Variants in PNMA6E observed in about 807,000 individuals in gnomAD.
PNMA6E encodes the protein PNMA family member 6E.
For missense variants in PNMA6E, 78 were observed against 50.8 expected (o/e 1.53, Z -1.63); for synonymous variants, 43 against 17.1 (o/e 2.52, Z -3.74).
Position 153,396,704 on chromosome X carries a change from G to GT in PNMA6E, c.*201_*202insA, listed in dbSNP as rs2088809515. On this transcript the variant is annotated 3_prime_UTR_variant, in exon 2 of 2. Coordinates refer to ENST00000445091, the MANE Select transcript of PNMA6E (RefSeq NM_001367770.1). ...GTGCTGGGTGCAAGGGAGCGGGGGGGCGCCTCTCCCCACCCCATTTTGTAT... is the reference window on the plus strand; with the variant it reads ...GTGCTGGGTGCAAGGGAGCGGGGGGGTCGCCTCTCCCCACCCCATTTTGTAT... 1 of 274,239 alleles carries GT rather than the reference G, an allele frequency of 3.6e-6. No homozygotes were observed. The highest frequency in any genetic ancestry group is 2.5e-4 in the South Asian group (1 of 4,050). The allele number at this position is 274,239 out of a possible 1,213,427, so 22.6% of individuals were successfully genotyped here.
chrX:153,413,959 C>T, the PNMA6E span, among the ~76,000 whole-genome samples: 1 of 112,413 alleles, frequency 8.9e-6, no homozygotes, highest in Non-Finnish European at 1.9e-5. Flanking sequence ...GGCGGCCTCC[C>T]GCCGATGGGG....
chrX:153,403,010 T>C (rs2088861481), upstream of PNMA6E, among the ~76,000 whole-genome samples: 1 of 112,863 alleles, frequency 8.9e-6, no homozygotes, highest in African/African-American at 3.2e-5. Flanking sequence ...TGCCTACACG[T>C]GTTTTTTCTT....
rs1556970326 is a variant in PNMA6E, at chrX:153,396,533, G to C, written c.*373C>G. 8.5e-6 allele frequency: 1 copy of C among 118,324 alleles called. No individual in the cohort carries two copies. Among genetic ancestry groups the C allele is most frequent in the Non-Finnish European group, 1.7e-5 (1 of 57,324 alleles). 9.8% of individuals were successfully genotyped at this position (118,324 alleles called of 1,213,427 possible). On this transcript the variant is annotated 3_prime_UTR_variant, in exon 2 of 2. Transcript: ENST00000445091. ...CCCAGGCAGCTGGCAACCTTGAGAGGGCCTCTTTCCCCCTGTCTCTCCCAA... is the reference window on the plus strand; with the variant it reads ...CCCAGGCAGCTGGCAACCTTGAGAGCGCCTCTTTCCCCCTGTCTCTCCCAA...
the PNMA6E span, among the ~76,000 whole-genome samples, chrX:153,409,725 A>G: frequency 8.9e-6 from 1 of 112,221 alleles, no homozygotes; most frequent in Non-Finnish European, 1.9e-5. Context: ...CCCAGTGCAC[A>G]TGGCCCTTTC....
chrX:153,408,158 G>A, the PNMA6E span, among the ~76,000 whole-genome samples: 1 of 113,009 alleles, frequency 8.8e-6, no homozygotes, highest in Admixed American at 9.2e-5. Flanking sequence ...GGGACAGTGA[G>A]AACGGCAGTG....
chrX:153,402,657 C>T (rs781810714), upstream of PNMA6E, among the ~76,000 whole-genome samples: 40 of 112,378 alleles, frequency 3.6e-4, no homozygotes, highest in Non-Finnish European at 6.2e-4. Flanking sequence ...ACCCAAAGAT[C>T]GAGATTTCCT....
chrX:153,411,892 G>GAA, the PNMA6E span, among the ~76,000 whole-genome samples: 1 of 8 alleles, frequency 0.12, no homozygotes, highest in Non-Finnish European at 0.17. Flanking sequence ...GGCGCCAGGG[G>GAA]AAGAGCCATC....
rs2088804411 is a variant in PNMA6E at position 153,396,347 on chromosome X, C to T, written c.*559G>A. 8.3e-6 allele frequency: 1 copy of T among 120,217 alleles called. No individual in the cohort carries two copies. 9.9% of individuals were successfully genotyped at this position (120,217 alleles called of 1,213,427 possible). ...GCACGTGCCCCGGGCCCAGAGGTGG[C>T]CGCCTGCATGGGCGCACAGTACATG... is the stretch of plus-strand genomic sequence containing the variant. On this transcript the variant is annotated 3_prime_UTR_variant, in exon 2 of 2. Coordinates refer to ENST00000445091, the MANE Select transcript of PNMA6E (RefSeq NM_001367770.1).
chrX:153,398,912 C>T lies in PNMA6E; in HGVS notation c.-63G>A, dbSNP rs370544799. 8 of 295,981 alleles carry T rather than the reference C, an allele frequency of 2.7e-5. No individual in the cohort carries two copies. The highest frequency in any genetic ancestry group is 8.2e-5 in the African/African-American group (3 of 36,541). The allele number at this position is 295,981 out of a possible 1,213,427, so 24.4% of individuals were successfully genotyped here. On this transcript the variant is annotated 5_prime_UTR_variant, in exon 2 of 2. Transcript: ENST00000445091. Reference sequence around the variant, plus strand: ...AATGTGTGCTGACTGTTGCAGTCTCCGACACAGCCTGTGAGTGCAAAGAGA... The same window carrying T: ...AATGTGTGCTGACTGTTGCAGTCTCTGACACAGCCTGTGAGTGCAAAGAGA...
At chrX:153,410,185 C>G in the PNMA6E span, among the ~76,000 whole-genome samples, 1 of 111,598 alleles carries the variant, frequency 9.0e-6, no homozygotes, top group African/African-American at 3.3e-5. Context: ...CTGTGTCTCT[C>G]TCTCCTGTCT....
chrX:153,396,878 G>A lies in PNMA6E; in HGVS notation c.*28C>T. The A allele has an allele frequency of 6.7e-6, 2 of 297,990 alleles. No individual in the cohort carries two copies. Among genetic ancestry groups the A allele is most frequent in the South Asian group, 4.0e-4 (2 of 5,060 alleles). 24.6% of individuals were successfully genotyped at this position (297,990 alleles called of 1,213,427 possible). On this transcript the variant is annotated 3_prime_UTR_variant, in exon 2 of 2. Transcript: ENST00000445091. ...GCCTCCAAGGCGCTGCTGCCTGAGA[G>A]GAGAGGAGGCCCCGGGGCCCTAGGA...
chrX:153,404,490 T>C (rs781927000), upstream of PNMA6E, among the ~76,000 whole-genome samples: 3 of 111,058 alleles, frequency 2.7e-5, no homozygotes, highest in Non-Finnish European at 5.7e-5. Context: ...TTGTTTGTTA[T>C]TGTTGTTGTG....
chrX:153,399,223 C>T (rs918494119), intron 1 of PNMA6E, among the ~76,000 whole-genome samples: 2 of 112,005 alleles, frequency 1.8e-5, no homozygotes, highest in African/African-American at 6.5e-5. Context: ...AATATTCCCT[C>T]TTTATCTTTT....
At chrX:153,407,733 C>A in the PNMA6E span, among the ~76,000 whole-genome samples, 2 of 111,483 alleles carry the variant, frequency 1.8e-5, no homozygotes, top group Non-Finnish European at 3.8e-5. Context: ...ATGGTGACTC[C>A]CATCCCCAAA....
chrX:153,407,034 G>A, the PNMA6E span, among the ~76,000 whole-genome samples: 1 of 112,484 alleles, frequency 8.9e-6, no homozygotes, highest in Non-Finnish European at 1.9e-5. Flanking sequence ...GCTAGCCCTG[G>A]CACGAGATCA....
the PNMA6E span, among the ~76,000 whole-genome samples, chrX:153,411,515 C>T: frequency 2.7e-5 from 3 of 112,657 alleles, no homozygotes; most frequent in Admixed American, 9.2e-5. Flanking sequence ...CTGAGACTCC[C>T]CTTCAGGACG....
At chrX:153,410,263 C>T in the PNMA6E span, among the ~76,000 whole-genome samples, 1 of 111,827 alleles carries the variant, frequency 8.9e-6, no homozygotes, top group Non-Finnish European at 1.9e-5. Flanking sequence ...TCTCCACATC[C>T]TCAATTTAAT....
At chrX:153,409,496 G>A in the PNMA6E span, among the ~76,000 whole-genome samples, 117 of 113,209 alleles carry the variant, frequency 1.0e-3, no homozygotes, top group South Asian at 1.8e-3. Context: ...TGGGTTTGCA[G>A]TTCTTTACAG....
rs1053846218 is a variant in PNMA6E, at chrX:153,397,689, C to T, written c.1161G>A (p.Ala387=). Residue 387 remains alanine (A), a synonymous_variant, in exon 2 of 2, where the codon GCG becomes GCA. Coordinates refer to ENST00000445091, the MANE Select transcript of PNMA6E (RefSeq NM_001367770.1). ...GCCCCAGCGCCGCCAGGCAGTCCAG[C>T]GCGGACAAGTTGGTATCTTCCTCCA... ...GLLEEDTNLS[A]LDCLAALGQV... 12 of 303,290 alleles carry T rather than the reference C, an allele frequency of 4.0e-5. No homozygotes were observed. In the South Asian group the frequency reaches 5.4e-4, roughly 14 times the overall value. The allele number at this position is 303,290 out of a possible 1,213,427, so 25.0% of individuals were successfully genotyped here.
Sources: allele counts gnomAD v4.1 joint callset (sites outside exome capture counted in the v4.1 genomes callset), GRCh38; gene constraint gnomAD v4.1.1; transcripts MANE v1.5; gene names NCBI Gene and HGNC (gene_info 2026-07-23, HGNC 2026-07-21).